NBEA: variants seen among roughly 807,000 people sequenced by gnomAD.
NBEA encodes the protein neurobeachin.
A neutral mutation model predicts 343.4 loss-of-function variants in NBEA; 44 were observed. The observed-to-expected ratio is 0.13, with a 90% CI of 0.10 to 0.16. NBEA has a LOEUF of 0.16. NBEA is among the 10% of genes least tolerant of loss of function. NBEA has a pLI of 1.00. For synonymous variants in NBEA, 1,175 were observed against 1,238.7 expected, an observed-to-expected ratio of 0.95 and a Z score of 1.08; for missense variants, 2,555 against 3,631.3, an observed-to-expected ratio of 0.70 and a Z score of 7.62.
At chr13:35,444,004 A>G (rs1352428338) in intron 39 of NBEA, among the ~76,000 whole-genome samples, 1 of 152,006 alleles carries the variant, frequency 6.6e-6, no homozygotes, top group Non-Finnish European at 1.5e-5. Context: ...AATTTAGATG[A>G]TTTACAAAGA....
chr13:35,652,504 G>A (rs1250841997), intron 53 of NBEA, among the ~76,000 whole-genome samples: 5 of 150,264 alleles, frequency 3.3e-5, no homozygotes, highest in African/African-American at 7.3e-5. Context: ...AGCCAGGCGC[G>A]GTGGCGGGCA....
chr13:35,584,168 T>C (rs888721993), intron 46 of NBEA, 130 bp downstream of exon 46: 16 of 1,001,996 alleles, frequency 1.6e-5, no homozygotes, highest in Non-Finnish European at 2.3e-5. Flanking sequence ...AAATTAAAGA[T>C]TTCAAAGTAG....
intron 1 of NBEA, among the ~76,000 whole-genome samples, chr13:34,955,172 T>C (rs769105327): frequency 5.3e-5 from 8 of 152,174 alleles, no homozygotes; most frequent in African/African-American, 7.2e-5. Flanking sequence ...AGTTCTACTT[T>C]GCTTAAGCTC....
chr13:35,417,076 G>A (rs1293783691), intron 38 of NBEA, among the ~76,000 whole-genome samples: 1 of 152,072 alleles, frequency 6.6e-6, no homozygotes, highest in Non-Finnish European at 1.5e-5. Context: ...TGGAAACGGT[G>A]GTGATGTCCC....
intron 48 of NBEA, among the ~76,000 whole-genome samples, chr13:35,617,433 G>A (rs1361121021): frequency 6.6e-6 from 1 of 152,160 alleles, no homozygotes; most frequent in African/African-American, 2.4e-5. Flanking sequence ...TTTCTGTGTT[G>A]TGCTTCTGGG....
At chr13:35,039,867 A>G (rs1423622192) in intron 1 of NBEA, among the ~76,000 whole-genome samples, 2 of 151,994 alleles carry the variant, frequency 1.3e-5, no homozygotes, top group African/African-American at 4.8e-5. Context: ...GTCTTCCTTC[A>G]TGCTTTATAT....
At chr13:35,663,551 A>C (rs1303443902) in intron 55 of NBEA, among the ~76,000 whole-genome samples, 1 of 152,118 alleles carries the variant, frequency 6.6e-6, no homozygotes, top group Non-Finnish European at 1.5e-5. Flanking sequence ...TATCTGAGCT[A>C]TTGTGAATAG....
At chr13:35,161,502 AACTTTAGGTAT>A (rs2069557549) in intron 22 of NBEA, among the ~76,000 whole-genome samples, 1 of 152,152 alleles carries the variant, frequency 6.6e-6, no homozygotes, top group African/African-American at 2.4e-5. Context: ...CTTTGGTGTT[AACTTTAGGTAT>A]TTGATTATCT....
intron 1 of NBEA, among the ~76,000 whole-genome samples, chr13:35,037,853 C>T (rs998297402): frequency 1.3e-5 from 2 of 152,196 alleles, no homozygotes; most frequent in African/African-American, 4.8e-5. Flanking sequence ...TTGGCTATAG[C>T]CTATGTTCAC....
At chr13:35,429,805 G>GTGTGTA (rs2044973030) in intron 38 of NBEA, among the ~76,000 whole-genome samples, 1 of 140,780 alleles carries the variant, frequency 7.1e-6, no homozygotes, top group Non-Finnish European at 1.5e-5. Context: ...CCCAACGTGT[G>GTGTGTA]TGTGTGTGTG....
intron 34 of NBEA, among the ~76,000 whole-genome samples, chr13:35,285,878 C>T (rs537591407): frequency 6.6e-6 from 1 of 152,230 alleles, no homozygotes; most frequent in East Asian, 1.9e-4. Context: ...CATTTCCAGT[C>T]ACTTCCTTTC....
At chr13:35,044,814 A>G (rs2062785776) in intron 2 of NBEA, 133 bp from the exon 3 acceptor site, 2 of 425,292 alleles carry the variant, frequency 4.7e-6, no homozygotes, top group Admixed American at 3.8e-5. Context: ...TGTATTAGAT[A>G]CATATATATA....
At chr13:35,596,068 GGTTCGTTTAATGT>G (rs1456296343) in intron 47 of NBEA, among the ~76,000 whole-genome samples, 2 of 151,804 alleles carry the variant, frequency 1.3e-5, no homozygotes, top group East Asian at 3.9e-4. Flanking sequence ...GCTTTGTTAT[GGTTCGTTTAATGT>G]GTGTGTGCGT....
At chr13:35,458,752 C>T (rs1292625747) in intron 40 of NBEA, among the ~76,000 whole-genome samples, 3 of 152,026 alleles carry the variant, frequency 2.0e-5, no homozygotes, top group Non-Finnish European at 2.9e-5. Flanking sequence ...TTCTGGTAAA[C>T]GTGTCATTTT....
chr13:35,665,269 C>A, intron 56 of NBEA, 83 bp downstream of exon 56: 1 of 1,169,782 alleles, frequency 8.5e-7, no homozygotes, highest in Non-Finnish European at 1.2e-6. Context: ...TTATTTCTTC[C>A]AGGAAGCTTC....
At chr13:35,636,096 T>C (rs568346093) in intron 49 of NBEA, among the ~76,000 whole-genome samples, 240 of 152,332 alleles carry the variant, frequency 1.6e-3, no homozygotes, top group African/African-American at 5.5e-3. Context: ...TAGAAATAGC[T>C]GGAAGGGATT....
intron 8 of NBEA, among the ~76,000 whole-genome samples, chr13:35,060,879 A>C (rs1243525793): frequency 6.6e-6 from 1 of 151,660 alleles, no homozygotes; most frequent in Non-Finnish European, 1.5e-5. Context: ...GGAATTTTTA[A>C]GGTGTAGAGA....
chr13:35,461,319 A>G (rs932018861), intron 40 of NBEA, among the ~76,000 whole-genome samples: 8 of 152,230 alleles, frequency 5.3e-5, no homozygotes, highest in African/African-American at 1.9e-4. Context: ...TTCTTAATAC[A>G]GTGTAATAGT....
intron 10 of NBEA, among the ~76,000 whole-genome samples, chr13:35,083,327 A>G (rs1406367340): frequency 4.6e-5 from 7 of 152,078 alleles, no homozygotes; most frequent in Non-Finnish European, 8.8e-5. Context: ...GTAGCCTTGT[A>G]GTATAGTTTG....
Sources: allele counts gnomAD v4.1 joint callset (sites outside exome capture counted in the v4.1 genomes callset), GRCh38; gene constraint gnomAD v4.1.1; transcripts MANE v1.5; gene names NCBI Gene and HGNC (gene_info 2026-07-23, HGNC 2026-07-21).